Variants in KPNA2 observed in about 807,000 individuals in gnomAD.
KPNA2 encodes the protein importin subunit alpha-1.
A neutral mutation model predicts 53.7 loss-of-function variants in KPNA2; 20 were observed. The observed-to-expected ratio is 0.37, with a 90% CI of 0.26 to 0.54. The LOEUF is 0.54. Ranked by LOEUF, KPNA2 falls within the 20% of genes least tolerant of loss-of-function variation. The pLI is 0.83. For missense variants in KPNA2, 515 were observed against 640.3 expected (o/e 0.80, Z 2.11); for synonymous variants, 238 against 227.5 (o/e 1.05, Z -0.42).
intron 1 of KPNA2, chr17:68,036,097 G>A (rs568007064): frequency 6.6e-6 from 1 of 152,420 alleles, no homozygotes; most frequent in Non-Finnish European, 1.5e-5. Context: ...GAGCGAGCCA[G>A]GCTTGAGGGC....
In KPNA2 at chr17:68,043,280, A is replaced by G. The variant is rs1555704913; in HGVS notation, c.847A>G (p.Asn283Asp). The G allele has an allele frequency of 3.1e-6, 5 of 1,614,080 alleles. No homozygotes were observed. The highest frequency in any genetic ancestry group is 4.2e-6 in the Non-Finnish European group (5 of 1,180,036). The stretch of plus-strand genomic sequence containing the variant: ...TATTTCCTACCTTACTGATGGTCCA[A>G]ATGAACGAATTGGCATGGTGGTGAA... The part of the protein sequence containing the change: ...WAISYLTDGP[N>D]ERIGMVVKTG... Residue 283 changes from asparagine to aspartate, a missense_variant, in exon 7 of 11, where the codon AAT (asparagine) becomes GAT (aspartate). Asn to Asp is a conservative substitution (Grantham distance 23). Coordinates refer to ENST00000330459, the MANE Select transcript of KPNA2 (RefSeq NM_002266.4).
intron 1 of KPNA2, among the ~76,000 whole-genome samples, chr17:68,036,774 T>C (rs1555703798): frequency 6.6e-6 from 1 of 152,246 alleles, no homozygotes; most frequent in Admixed American, 6.5e-5. Flanking sequence ...AAATACTATT[T>C]GGATATGTTG....
At chr17:68,037,607 C>G in intron 3 of KPNA2, 112 bp downstream of exon 3, 1 of 1,007,204 alleles carries the variant, frequency 9.9e-7, no homozygotes, top group Non-Finnish European at 1.5e-6. Flanking sequence ...TTTTAACTAT[C>G]TGTGAACATC....
At chr17:68,041,673 CTGTGATCGTGGCA>C (rs2071262041) in intron 4 of KPNA2, among the ~76,000 whole-genome samples, 2 of 152,184 alleles carry the variant, frequency 1.3e-5, no homozygotes, top group Admixed American at 1.3e-4. Context: ...CTGCAGTGAG[CTGTGATCGTGGCA>C]CTGCACTCTA....
chr17:68,045,782 A>ATTTTTTTTTTTTT lies in KPNA2; in HGVS notation c.1358_1359insTTTTTTTTTTTTT (p.Lys453AsnfsTer8). ...TTTTTTTTTTTTTAGGCTGCTGAGAAACTAGGTGAAACTGAGAAACTTAGT... is the reference window on the plus strand; with the variant it reads ...TTTTTTTTTTTTTAGGCTGCTGAGAATTTTTTTTTTTTTACTAGGTGAAACTGAGAAACTTAGT... On this transcript the variant is annotated frameshift_variant, in exon 10 of 11. Coordinates refer to ENST00000330459, the MANE Select transcript of KPNA2 (RefSeq NM_002266.4). LOFTEE classifies it high-confidence loss of function. 6.4e-7 allele frequency: 1 copy of ATTTTTTTTTTTTT among 1,567,094 alleles called. No homozygotes were observed.
chr17:68,036,085 C>A (rs1390022691), intron 1 of KPNA2: 1 of 152,248 alleles, frequency 6.6e-6, no homozygotes, highest in Non-Finnish European at 1.5e-5. Flanking sequence ...CCGGGAGAAT[C>A]GGAGCGAGCC....
At chr17:68,038,740 G>A (rs2071219499) in intron 3 of KPNA2, among the ~76,000 whole-genome samples, 1 of 152,168 alleles carries the variant, frequency 6.6e-6, no homozygotes, top group Non-Finnish European at 1.5e-5. Context: ...TACTCCAGCT[G>A]GGCATGGTGG....
Position 68,043,122 on chromosome 17 carries a change from C to G in KPNA2, c.689C>G (p.Thr230Ser). 8.7e-6 allele frequency: 14 copies of G among 1,614,114 alleles called. No individual in the cohort carries two copies. The highest frequency in any genetic ancestry group is 2.2e-5 in the East Asian group (1 of 44,870). The change falls in exon 7 of 11, where the codon ACC becomes AGC. Residue 230 changes from threonine (T) to serine (S), a missense_variant. Physicochemically the swap from Thr to Ser is moderately conservative, Grantham distance 58. Transcript: ENST00000330459. ...CAGTGTGGCTACTTACGTAATCTTA[C>G]CTGGACACTTTCTAATCTTTGCCGC... ...SLACGYLRNL[T>S]WTLSNLCRNK...
At position 68,039,626 on chromosome 17, in the gene KPNA2, C is replaced by CAAAAAAAA. The variant is rs1457613748; in HGVS notation, c.214-1048_214-1047insAAAAAAAA. On this transcript the variant is annotated intron_variant, in intron 3 of 10. Coordinates refer to ENST00000330459, the MANE Select transcript of KPNA2 (RefSeq NM_002266.4). ...AGAAACTCCATCTCTACTAAAAATACAAAATTAGCTGGGCATCGTGGCGCA... is the reference window on the plus strand; with the variant it reads ...AGAAACTCCATCTCTACTAAAAATACAAAAAAAAAAAATTAGCTGGGCATCGTGGCGCA... Among the ~76,000 whole-genome samples, 4 of 149,828 alleles carry CAAAAAAAA rather than the reference C, an allele frequency of 2.7e-5. No homozygotes were observed. The East Asian group carries it at 6.0e-4, about 23-fold the overall frequency.
intron 9 of KPNA2, 138 bp downstream of exon 9, chr17:68,044,641 C>T (rs1277295887): frequency 4.2e-6 from 3 of 706,824 alleles, no homozygotes; most frequent in Admixed American, 2.4e-5. Context: ...GTGGCCACCC[C>T]TTTGATTAAA....
At position 68,043,893 on chromosome 17, in the gene KPNA2, A is replaced by G; in HGVS notation, c.986A>G (p.Gln329Arg). 6.2e-7 allele frequency: 1 copy of G among 1,613,464 alleles called. No homozygotes were observed. The highest frequency in any genetic ancestry group is 1.3e-5 in the African/African-American group (1 of 74,916). Residue 329 changes from glutamine (Q) to arginine (R), a missense_variant, in exon 8 of 11, where the codon CAG becomes CGG. Physicochemically the swap from Gln to Arg is conservative, Grantham distance 43. Transcript: ENST00000330459. ...GTCACTGGTACAGATGAACAGACTC[A>G]GGTTGTGATTGATGCAGGAGCACTC... is the stretch of plus-strand genomic sequence containing the variant. ...NIVTGTDEQTQVVIDAGALAV... is the reference protein window; with the variant it reads ...NIVTGTDEQTRVVIDAGALAV...
chr17:68,046,004 G>T, intron 10 of KPNA2, 83 bp downstream of exon 10: 2 of 864,726 alleles, frequency 2.3e-6, no homozygotes, highest in Non-Finnish European at 3.4e-6. Context: ...TTAAAAATAA[G>T]TGTCATATCT....
At position 68,043,109 on chromosome 17, in the gene KPNA2, T is replaced by C. The variant is rs2071282105; in HGVS notation, c.676T>C (p.Leu226=). The change falls in exon 7 of 11, where the codon TTA becomes CTA. Residue 226 remains leucine, a synonymous_variant. Transcript: ENST00000330459. The stretch of plus-strand genomic sequence containing the variant: ...ATTTTTTTTCCCCCAGTGTGGCTAC[T>C]TACGTAATCTTACCTGGACACTTTC... ...PDMSSLACGY[L]RNLTWTLSNL... 6.2e-7 allele frequency: 1 copy of C among 1,614,010 alleles called. No homozygotes were observed. Among genetic ancestry groups the C allele is most frequent in the East Asian group, 2.2e-5 (1 of 44,888 alleles).
intron 4 of KPNA2, 130 bp from the exon 5 acceptor site, chr17:68,041,955 A>G (rs2071265159): frequency 1.4e-6 from 1 of 738,908 alleles, no homozygotes; most frequent in East Asian, 2.7e-5. Context: ...AGAATGTCTC[A>G]GCATTTAGTG....
rs375584574 is a variant in KPNA2 at position 68,037,423 on chromosome 17, G to A, written c.141G>A (p.Met47Ile). ...GGAAAGCTAAGAAGGATGACCAGAT[G>A]CTGAAGAGGAGAAATGTAAGCTCAT... Reference protein sequence around the residue: ...ELRKAKKDDQMLKRRNVSSFP... With the variant: ...ELRKAKKDDQILKRRNVSSFP... Residue 47 changes from methionine to isoleucine, a missense_variant, in exon 3 of 11, where the codon ATG (methionine) becomes ATA (isoleucine). By Grantham distance (10) the Met-to-Ile change is conservative. Transcript: ENST00000330459. The A allele has an allele frequency of 1.2e-6, 2 of 1,613,900 alleles. No homozygotes were observed. Among genetic ancestry groups the A allele is most frequent in the African/African-American group, 2.7e-5 (2 of 74,906 alleles).
intron 1 of KPNA2, 131 bp downstream of exon 1, chr17:68,035,971 C>G (rs2071184341): frequency 1.3e-5 from 2 of 152,424 alleles, no homozygotes; most frequent in Non-Finnish European, 2.9e-5. Context: ...TTGACTAGGC[C>G]TCGGGGGCGA....
intron 7 of KPNA2, 28 bp downstream of exon 7, chr17:68,043,391 A>C: frequency 6.2e-7 from 1 of 1,609,116 alleles, no homozygotes; most frequent in Non-Finnish European, 8.5e-7. Flanking sequence ...AGATTAGGAC[A>C]TAAGTATAAG....
At chr17:68,039,562 C>T (rs547388016) in intron 3 of KPNA2, among the ~76,000 whole-genome samples, 1 of 151,974 alleles carries the variant, frequency 6.6e-6, no homozygotes, top group East Asian at 2.0e-4. Context: ...AGGTGGATCA[C>T]CTGAGGTCGG....
In KPNA2 at chr17:68,037,344, T is replaced by G. The variant is rs1555703927; in HGVS notation, c.76-14T>G. 1.2e-6 allele frequency: 2 copies of G among 1,609,008 alleles called. No homozygotes were observed. Among genetic ancestry groups the G allele is most frequent in the Admixed American group, 3.4e-5 (2 of 58,620 alleles). The stretch of plus-strand genomic sequence containing the variant: ...TGGTGTGATAGGTGAAACGGCATGT[T>G]ATCTTTTCTCAAGGAAATGAGGCGT... On this transcript the variant is annotated splice_polypyrimidine_tract_variant and intron_variant, in intron 2 of 10. Coordinates refer to ENST00000330459, the MANE Select transcript of KPNA2 (RefSeq NM_002266.4).
Sources: gnomAD v4.1 joint callset for allele counts (sites outside exome capture counted in the v4.1 genomes callset) on GRCh38, gnomAD v4.1.1 for gene constraint, MANE v1.5 for transcripts, NCBI Gene and HGNC (gene_info 2026-07-23, HGNC 2026-07-21) for gene names.